The following FRMPD4 variants were observed in gnomAD, a reference collection of about 807,000 sequenced individuals.
FRMPD4 encodes the protein FERM and PDZ domain containing 4, also known as FERM and PDZ domain-containing protein 4.
In FRMPD4, 22 loss-of-function variants were observed where a neutral mutation model predicts 94.1. That is an observed-to-expected ratio of 0.23 (90% CI 0.17 to 0.33). The LOEUF is 0.33. Among genes scored for constraint, FRMPD4 ranks in the 10% least tolerant of loss-of-function variants. The pLI is 1.00. For missense variants in FRMPD4, 1,111 were observed against 1,339.9 expected (o/e 0.83, Z 2.67); for synonymous variants, 631 against 548.6 (o/e 1.15, Z -2.10).
At chrX:12,250,072 T>TTGTGTGTGTG (rs72178576) in intron 1 of FRMPD4, among the ~76,000 whole-genome samples, 2 of 91,454 alleles carry the variant, frequency 2.2e-5, no homozygotes, top group African/African-American at 8.2e-5. Flanking sequence ...GTTTGTGTGT[T>TTGTGTGTGTG]TGTGTGTGTG....
chrX:12,416,372 G>A (rs1325555803), intron 1 of FRMPD4, among the ~76,000 whole-genome samples: 1 of 111,738 alleles, frequency 8.9e-6, no homozygotes, highest in Non-Finnish European at 1.9e-5. Context: ...GGGCTTCCTG[G>A]CCATCAGTTT....
intron 1 of FRMPD4, among the ~76,000 whole-genome samples, chrX:12,447,966 AACATGCTTTGGATTTAG>A (rs1417695399): frequency 8.9e-6 from 1 of 112,194 alleles, no homozygotes; most frequent in Non-Finnish European, 1.9e-5. Context: ...TTCCCTAGGA[AACATGCTTTGGATTTAG>A]GTGTCACGGG....
At chrX:11,891,514 C>A (rs1245121668) in intron 3 of FRMPD4, among the ~76,000 whole-genome samples, 5 of 112,270 alleles carry the variant, frequency 4.5e-5, no homozygotes, top group Non-Finnish European at 7.5e-5. Context: ...GTAAAGAGAG[C>A]AATATTTATG....
At chrX:11,977,691 A>G (rs2054374260) in intron 3 of FRMPD4, among the ~76,000 whole-genome samples, 1 of 104,182 alleles carries the variant, frequency 9.6e-6, no homozygotes, top group Non-Finnish European at 2.0e-5. Context: ...CAGTTCAGAA[A>G]GGCAGGACAA....
chrX:12,414,140 C>T (rs767804594), intron 1 of FRMPD4, among the ~76,000 whole-genome samples: 1 of 112,507 alleles, frequency 8.9e-6, no homozygotes, highest in Admixed American at 9.4e-5. Context: ...ACTTAGTGAT[C>T]ATTTAATATG....
intron 3 of FRMPD4, among the ~76,000 whole-genome samples, chrX:11,957,180 A>G (rs1334884486): frequency 8.9e-6 from 1 of 112,063 alleles, no homozygotes; most frequent in Admixed American, 9.5e-5. Context: ...TCTCATACAT[A>G]CAAATATAAA....
chrX:12,515,703 C>T (rs1285632188), intron 2 of FRMPD4, among the ~76,000 whole-genome samples: 1 of 111,839 alleles, frequency 8.9e-6, no homozygotes, highest in Non-Finnish European at 1.9e-5. Context: ...TCTATTAGGT[C>T]CACTTGATCC....
At chrX:12,353,986 A>T (rs150778216) in intron 1 of FRMPD4, among the ~76,000 whole-genome samples, 10 of 112,188 alleles carry the variant, frequency 8.9e-5, no homozygotes, top group African/African-American at 3.2e-4. Context: ...TGAGCCTCAG[A>T]GGAGTTAAAG....
intron 4 of FRMPD4, among the ~76,000 whole-genome samples, chrX:12,625,772 T>G (rs2059339844): frequency 9.0e-6 from 1 of 111,602 alleles, no homozygotes; most frequent in Non-Finnish European, 1.9e-5. Context: ...TATTTCAAAA[T>G]AGCTAAAAGA....
At chrX:12,255,359 C>A (rs1324987380) in intron 1 of FRMPD4, among the ~76,000 whole-genome samples, 1 of 111,494 alleles carries the variant, frequency 9.0e-6, no homozygotes, top group East Asian at 2.8e-4. Flanking sequence ...TCCCAAACCA[C>A]ACTTCCCAAG....
intron 1 of FRMPD4, among the ~76,000 whole-genome samples, chrX:12,359,522 T>C (rs759883552): frequency 3.7e-5 from 4 of 107,648 alleles, no homozygotes; most frequent in East Asian, 2.9e-4. Flanking sequence ...GGCTGGAGTA[T>C]AGTGGCGCAG....
intron 1 of FRMPD4, among the ~76,000 whole-genome samples, chrX:11,828,679 C>T (rs541675782): frequency 1.4e-4 from 16 of 111,815 alleles, no homozygotes; most frequent in East Asian, 5.6e-4. Flanking sequence ...CCCACTGTTC[C>T]GAGACAGCAA....
rs12842062 is a variant in FRMPD4 at position 11,997,543 on chromosome X, A to G, written c.95+119525A>G. 7.7e-4 allele frequency among the ~76,000 whole-genome samples: 85 copies of G among 110,905 alleles called. 1 individual carries two copies. The highest frequency in any genetic ancestry group is 1.4e-3 in the Non-Finnish European group (75 of 52,966). On this transcript the variant is annotated intron_variant, in intron 3 of 18. Coordinates refer to the FRMPD4 transcript ENST00000640291. The stretch of plus-strand genomic sequence containing the variant: ...CAGGGTGGCTTTGTTTCTGGCTGCA[A>G]CTTGGTGGGGCTTGGTTCTAGGTTT...
intron 1 of FRMPD4, among the ~76,000 whole-genome samples, chrX:11,864,238 A>G (rs2053705722): frequency 9.1e-6 from 1 of 109,703 alleles, no homozygotes; most frequent in Admixed American, 9.9e-5. Context: ...GAATAAATAA[A>G]GACTGCTCGG....
intron 4 of FRMPD4, among the ~76,000 whole-genome samples, chrX:12,671,555 G>A (rs916170632): frequency 5.1e-4 from 56 of 110,249 alleles, no homozygotes; most frequent in Middle Eastern, 4.7e-3. Context: ...TGGACACAGG[G>A]AGGGGAACAT....
At chrX:12,598,866 T>A (rs2059057443) in intron 2 of FRMPD4, among the ~76,000 whole-genome samples, 1 of 102,176 alleles carries the variant, frequency 9.8e-6, no homozygotes, top group African/African-American at 4.2e-5. Context: ...TATTATGTAA[T>A]CACTTCTTAA....
intron 3 of FRMPD4, among the ~76,000 whole-genome samples, chrX:12,063,004 A>G (rs1368123878): frequency 8.9e-6 from 1 of 112,137 alleles, no homozygotes; most frequent in Non-Finnish European, 1.9e-5. Context: ...TAATGGCTTT[A>G]TGGCAATGCT....
chrX:11,860,875 A>T (rs1379259805), intron 1 of FRMPD4, among the ~76,000 whole-genome samples: 1 of 111,855 alleles, frequency 8.9e-6, no homozygotes, highest in Non-Finnish European at 1.9e-5. Flanking sequence ...AGTTTGATTA[A>T]TCTTCATTTA....
At chrX:11,880,931 C>T (rs1470239017) in intron 3 of FRMPD4, among the ~76,000 whole-genome samples, 1 of 112,463 alleles carries the variant, frequency 8.9e-6, no homozygotes, top group South Asian at 3.7e-4. Context: ...GCGTGAGCCA[C>T]TGTGCCTGGC....
Sources: gnomAD v4.1 joint callset for allele counts (sites outside exome capture counted in the v4.1 genomes callset) on GRCh38, gnomAD v4.1.1 for gene constraint, MANE v1.5 for transcripts, NCBI Gene and HGNC (gene_info 2026-07-23, HGNC 2026-07-21) for gene names.